Variants in NFIX observed in about 807,000 individuals in gnomAD.
The protein encoded by NFIX is nuclear factor 1 X-type.
In NFIX, 2 loss-of-function variants were observed where a neutral mutation model predicts 53.3. The observed-to-expected ratio is 0.04, with a 90% CI of 0.02 to 0.12. The LOEUF (loss-of-function observed/expected upper bound fraction) is 0.12. Ranked by LOEUF, NFIX falls within the 10% of genes least tolerant of loss-of-function variation. NFIX has a pLI of 1.00. For missense variants in NFIX, 310 were observed against 674.5 expected (o/e 0.46, Z 5.99); for synonymous variants, 244 against 289.0 (o/e 0.84, Z 1.58).
In NFIX at chr19:12,998,736, C is replaced by T. The variant is rs2011561056; in HGVS notation, c.27+2872C>T. ...GTCCAGACCCACGACCATCGACGAGCCTACAGACCTACGGACACAGGAAAC... is the reference window on the plus strand; with the variant it reads ...GTCCAGACCCACGACCATCGACGAGTCTACAGACCTACGGACACAGGAAAC... On this transcript the variant is annotated intron_variant, in intron 1 of 10. Coordinates refer to ENST00000592199, the MANE Select transcript of NFIX (RefSeq NM_001365902.3). The surrounding 1 kb of genome is among the most constrained non-coding windows in gnomAD (Gnocchi z 4.4). Among the ~76,000 whole-genome samples the T allele has an allele frequency of 6.6e-6, 1 of 152,318 alleles. No individual in the cohort carries two copies. The highest frequency in any genetic ancestry group is 1.9e-4 in the East Asian group (1 of 5,190).
intron 1 of NFIX, among the ~76,000 whole-genome samples, chr19:13,004,020 C>T (rs1405785406): frequency 6.6e-6 from 1 of 152,134 alleles, no homozygotes; most frequent in East Asian, 1.9e-4. Context: ...GGTGATCCTC[C>T]CGCCTCGGCC....
At chr19:13,008,785 G>C (rs2012165035) in intron 1 of NFIX, among the ~76,000 whole-genome samples, 1 of 152,138 alleles carries the variant, frequency 6.6e-6, no homozygotes, top group African/African-American at 2.4e-5. Flanking sequence ...GAAGCTGGAG[G>C]CTGGGTACTT....
rs1047523272 is a variant in NFIX, at chr19:13,095,597, T to TCCTGCC, written c.*958_*963dup. On this transcript the variant is annotated 3_prime_UTR_variant, in exon 11 of 11. Transcript: ENST00000592199. ...GGTGCCCTCGCTCCGCCCCATCAGT[T>TCCTGCC]CCTGCCCCTGCCCCTCATGCAGACT... The TCCTGCC allele has an allele frequency of 1.3e-5, 2 of 152,266 alleles. No homozygotes were observed. The highest frequency in any genetic ancestry group is 2.4e-5 in the African/African-American group (1 of 41,398). The allele number at this position is 152,266 out of a possible 1,614,324, so 9.4% of individuals were successfully genotyped here.
chr19:13,047,000 T>C (rs2015032272), intron 2 of NFIX, among the ~76,000 whole-genome samples: 1 of 152,314 alleles, frequency 6.6e-6, no homozygotes, highest in Admixed American at 6.5e-5. Flanking sequence ...ATGATGGGGC[T>C]GTACTCCCCA....
At chr19:13,039,245 C>CACGT (rs146029256) in intron 2 of NFIX, among the ~76,000 whole-genome samples, 4,294 of 148,498 alleles carry the variant, frequency 0.029, 231 homozygotes, top group African/African-American at 0.1. Flanking sequence ...CACACATACA[C>CACGT]GTGTGTGTGT....
rs1396954805 is a variant in NFIX at position 13,051,594 on chromosome 19, G to C, written c.560-21453G>C. ...TCCAAGCCTCAAGTCAGGCAGGTTC[G>C]GGGAGGAGACAGCCTCTCAGGCGAG... On this transcript the variant is annotated intron_variant, in intron 2 of 10. Transcript: ENST00000592199. This position sits in a 1 kb window ranked among gnomAD's most constrained non-coding sequence, Gnocchi z 5.1. Among the ~76,000 whole-genome samples the C allele has an allele frequency of 6.6e-6, 1 of 152,144 alleles. No homozygotes were observed. Among genetic ancestry groups the C allele is most frequent in the African/African-American group, 2.4e-5 (1 of 41,402 alleles).
rs112263658 is a variant in NFIX, at chr19:13,017,231, G to A, written c.28-7790G>A. On this transcript the variant is annotated intron_variant, in intron 1 of 10. Transcript: ENST00000592199. ...CGTGGCCGAGGGGTGGGCATGGTCC[G>A]AGCTCCTCAAAGCACCCCCGGTGTC... Among the ~76,000 whole-genome samples the A allele has an allele frequency of 4.7e-3, 720 of 152,236 alleles. 7 individuals are homozygous for A. Among genetic ancestry groups the A allele is most frequent in the Non-Finnish European group, 8.2e-3 (558 of 68,018 alleles).
Position 13,088,606 on chromosome 19 carries a change from G to T in NFIX, c.1402+470G>T, listed in dbSNP as rs2017942463. Among the ~76,000 whole-genome samples the T allele has an allele frequency of 6.8e-6, 1 of 147,350 alleles. No individual in the cohort carries two copies. The highest frequency in any genetic ancestry group is 3.5e-3 in the Middle Eastern group (1 of 288). ...GCGACGCCACCACCATCCCCTTTTT[G>T]CCTTGCCCCTCACCTCCATCCCTGG... is the stretch of plus-strand genomic sequence containing the variant. On this transcript the variant is annotated intron_variant, in intron 9 of 10. Transcript: ENST00000592199. This position sits in a 1 kb window ranked among gnomAD's most constrained non-coding sequence, Gnocchi z 5.9.
rs1378738062 is a variant in NFIX, at chr19:12,998,965, C to T, written c.27+3101C>T. On this transcript the variant is annotated intron_variant, in intron 1 of 10. Transcript: ENST00000592199. This position sits in a 1 kb window ranked among gnomAD's most constrained non-coding sequence, Gnocchi z 4.4. ...AAACCCCTCGAGATGATACAGATAG[C>T]GACGAAGGCACATGGAGACCACGAC... Among the ~76,000 whole-genome samples the T allele has an allele frequency of 5.9e-5, 9 of 152,070 alleles. No individual in the cohort carries two copies. The highest frequency in any genetic ancestry group is 5.2e-4 in the Admixed American group (8 of 15,268).
At chr19:13,056,783 A>C (rs533500493) in intron 2 of NFIX, among the ~76,000 whole-genome samples, 1 of 152,352 alleles carries the variant, frequency 6.6e-6, no homozygotes, top group South Asian at 2.1e-4. Context: ...CTTGTTCAAA[A>C]ATTAAGAATT....
chr19:13,026,724 T>TTCTC (rs34744744), intron 2 of NFIX, among the ~76,000 whole-genome samples: 48,638 of 144,608 alleles, frequency 0.34, 8,425 homozygotes, highest in East Asian at 0.59. Flanking sequence ...TACCAAACCT[T>TTCTC]TCTCTCTCTC....
intron 2 of NFIX, among the ~76,000 whole-genome samples, chr19:13,034,002 C>T (rs533761612): frequency 4.6e-5 from 7 of 152,204 alleles, no homozygotes; most frequent in Admixed American, 2.0e-4. Flanking sequence ...GAGGAGGACC[C>T]GAAGTACAGA....
In NFIX at chr19:13,095,422, G is replaced by C. The variant is rs1406493784; in HGVS notation, c.*773G>C. On this transcript the variant is annotated 3_prime_UTR_variant, in exon 11 of 11. Transcript: ENST00000592199. ...GGCCCTGGACCCCTCTGTACAGTCC[G>C]TAGGAAAAAGTCGGAATGCTCTCGA... The C allele has an allele frequency of 6.6e-6, 1 of 152,260 alleles. No homozygotes were observed. Among genetic ancestry groups the C allele is most frequent in the Non-Finnish European group, 1.5e-5 (1 of 68,084 alleles). 9.4% of individuals were successfully genotyped at this position (152,260 alleles called of 1,614,324 possible).
intron 2 of NFIX, among the ~76,000 whole-genome samples, chr19:13,041,937 G>A (rs973213521): frequency 6.6e-6 from 1 of 151,456 alleles, no homozygotes; most frequent in Non-Finnish European, 1.5e-5. Flanking sequence ...TCGCTCTGTC[G>A]CCCAGGCTGG....
rs1434252557 is a variant in NFIX, at chr19:13,052,558, G to A, written c.560-20489G>A. Among the ~76,000 whole-genome samples the A allele has an allele frequency of 6.6e-6, 1 of 152,228 alleles. No individual in the cohort carries two copies. Among genetic ancestry groups the A allele is most frequent in the Non-Finnish European group, 1.5e-5 (1 of 68,040 alleles). ...GCTCTGCTGAGGGCCATGTCAGGGT[G>A]AAGGGGGCACACTCCTGGCTTAGAT... On this transcript the variant is annotated intron_variant, in intron 2 of 10. Transcript: ENST00000592199. The surrounding 1 kb of genome is among the most constrained non-coding windows in gnomAD (Gnocchi z 5.2).
rs530327699 is a variant in NFIX at position 13,092,069 on chromosome 19, A to G, written c.1494+1679A>G. ...TGGTTGGGGGAGCGGAAGCTGGACA[A>G]GCGGAGCTGGAGCCCTCGGGCCTGG... On this transcript the variant is annotated intron_variant, in intron 10 of 10. Coordinates refer to ENST00000592199, the MANE Select transcript of NFIX (RefSeq NM_001365902.3). 2.6e-5 allele frequency among the ~76,000 whole-genome samples: 4 copies of G among 152,054 alleles called. No homozygotes were observed. The South Asian group carries it at 8.3e-4, about 32-fold the overall frequency.
chr19:13,025,449 G>A lies in NFIX; in HGVS notation c.456G>A (p.Lys152=). 6.2e-7 allele frequency: 1 copy of A among 1,614,048 alleles called. No individual in the cohort carries two copies. ...GTACTGATGGGGAGCGGCTCTACAAGTCGCCTCAGTGCTCGAACCCCGGCC... is the reference window on the plus strand; with the variant it reads ...GTACTGATGGGGAGCGGCTCTACAAATCGCCTCAGTGCTCGAACCCCGGCC... ...LESTDGERLY[K]SPQCSNPGLC... The change falls in exon 2 of 11, where the codon AAG becomes AAA. Residue 152 remains lysine (K), a synonymous_variant. Transcript: ENST00000592199. This position sits in a 1 kb window ranked among gnomAD's most constrained non-coding sequence, Gnocchi z 7.5.
chr19:13,016,522 C>T (rs1006929949), intron 1 of NFIX, among the ~76,000 whole-genome samples: 3 of 152,078 alleles, frequency 2.0e-5, no homozygotes, highest in African/African-American at 4.8e-5. Context: ...CCCTGCCCCC[C>T]GCCCCCGCAT....
At position 13,089,260 on chromosome 19, in the gene NFIX, C is replaced by T. The variant is rs1441136491; in HGVS notation, c.1403-1039C>T. 6.6e-6 allele frequency among the ~76,000 whole-genome samples: 1 copy of T among 152,118 alleles called. No individual in the cohort carries two copies. Among genetic ancestry groups the T allele is most frequent in the Admixed American group, 6.5e-5 (1 of 15,284 alleles). On this transcript the variant is annotated intron_variant, in intron 9 of 10. Transcript: ENST00000592199. This position sits in a 1 kb window ranked among gnomAD's most constrained non-coding sequence, Gnocchi z 4.8. ...AGAGAGGTGGGCAGAATCTGGTGAG[C>T]ATGGAGTCCCTGGGTGTGTCTGGTG...
Sources: gnomAD v4.1 joint callset for allele counts (sites outside exome capture counted in the v4.1 genomes callset) on GRCh38, gnomAD v4.1.1 for gene constraint, Gnocchi (gnomAD v3.1) non-coding constraint, MANE v1.5 for transcripts, NCBI Gene and HGNC (gene_info 2026-07-23, HGNC 2026-07-21) for gene names.